COP1: variants seen among roughly 807,000 people sequenced by gnomAD.
The protein encoded by COP1 is COP1 E3 ubiquitin ligase.
In COP1, 24 loss-of-function variants were observed where a neutral mutation model predicts 101.3. The observed-to-expected ratio is 0.24, with a 90% confidence interval of 0.17 to 0.33. The LOEUF is 0.33. Among genes scored for constraint, COP1 ranks in the 10% least tolerant of loss-of-function variants. The pLI is 1.00. For missense variants in COP1, 663 were observed against 906.2 expected (o/e 0.73, Z 3.45); for synonymous variants, 347 against 341.9 (o/e 1.01, Z -0.17).
intron 1 of COP1, among the ~76,000 whole-genome samples, chr1:176,202,151 T>C (rs538673459): frequency 9.2e-5 from 14 of 152,106 alleles, no homozygotes; most frequent in African/African-American, 3.4e-4. Flanking sequence ...TTACTGTCTT[T>C]ATTACGACAG....
chr1:175,986,266 G>A (rs776089332), intron 18 of COP1, among the ~76,000 whole-genome samples: 40 of 152,006 alleles, frequency 2.6e-4, no homozygotes, highest in Non-Finnish European at 4.7e-4. Context: ...TGATTTGCCC[G>A]CCTCGGCCTC....
At chr1:175,947,810 T>C (rs549820852) in intron 18 of COP1, among the ~76,000 whole-genome samples, 10 of 152,264 alleles carry the variant, frequency 6.6e-5, no homozygotes, top group East Asian at 5.8e-4. Flanking sequence ...GGGAAAAAGA[T>C]TGTCAATGGA....
At chr1:176,184,266 T>C (rs1292842270) in intron 2 of COP1, among the ~76,000 whole-genome samples, 4 of 152,120 alleles carry the variant, frequency 2.6e-5, no homozygotes, top group Non-Finnish European at 4.4e-5. Context: ...TCCATGACCT[T>C]CTTAGCCTGC....
intron 18 of COP1, among the ~76,000 whole-genome samples, chr1:175,956,558 GAAC>G (rs1251888344): frequency 6.6e-6 from 1 of 151,824 alleles, no homozygotes; most frequent in Non-Finnish European, 1.5e-5. Flanking sequence ...ACACTTACTA[GAAC>G]AACTAAATCT....
At chr1:176,085,521 CA>C (rs1408455909) in intron 10 of COP1, among the ~76,000 whole-genome samples, 1 of 152,096 alleles carries the variant, frequency 6.6e-6, no homozygotes, top group Non-Finnish European at 1.5e-5. Context: ...GCTACATATT[CA>C]TAGCTGAATT....
chr1:176,023,742 A>G (rs1267879079), intron 15 of COP1, among the ~76,000 whole-genome samples: 1 of 151,440 alleles, frequency 6.6e-6, no homozygotes, highest in Non-Finnish European at 1.5e-5. Context: ...AAAAAAAAGA[A>G]AAGAAAAGAA....
At chr1:175,994,183 C>T (rs1557869362) in intron 15 of COP1, among the ~76,000 whole-genome samples, 2 of 152,128 alleles carry the variant, frequency 1.3e-5, no homozygotes, top group Non-Finnish European at 2.9e-5. Context: ...ACTTTACAGA[C>T]AAACAAATGC....
In COP1 at chr1:175,968,449, A is replaced by G. The variant is rs1285549011; in HGVS notation, c.2133+18494T>C. ...TAGCCAGCTGTCCTAAGCCAGACAG[A>G]GACCTCCATATATTTATGTAGGATC... On this transcript the variant is annotated intron_variant, in intron 18 of 19. Transcript: ENST00000367669. 3 of 519,072 alleles carry G rather than the reference A, an allele frequency of 5.8e-6. No homozygotes were observed. The Admixed American group carries it at 5.8e-5, about 10-fold the overall frequency. 32.2% of individuals were successfully genotyped at this position (519,072 alleles called of 1,614,324 possible). A position where few individuals can be genotyped will look rare whatever the true frequency, so the allele number is the denominator to read the frequency against.
intron 18 of COP1, among the ~76,000 whole-genome samples, chr1:175,965,163 C>T (rs1203750026): frequency 6.6e-6 from 1 of 152,028 alleles, no homozygotes; most frequent in Non-Finnish European, 1.5e-5. Flanking sequence ...ACTAAAATAG[C>T]TTCTCTCCTC....
At chr1:175,991,592 T>G (rs1300359542) in intron 15 of COP1, among the ~76,000 whole-genome samples, 1 of 152,230 alleles carries the variant, frequency 6.6e-6, no homozygotes, top group African/African-American at 2.4e-5. Context: ...TCTGACTTTA[T>G]AAACTTAAAA....
At chr1:176,135,299 A>G (rs1056946277) in intron 7 of COP1, among the ~76,000 whole-genome samples, 2 of 152,066 alleles carry the variant, frequency 1.3e-5, no homozygotes, top group Non-Finnish European at 2.9e-5. Context: ...ACACAATCTT[A>G]AAGAACTATA....
intron 18 of COP1, among the ~76,000 whole-genome samples, chr1:175,955,702 G>GAATTTAGAATT (rs1650536715): frequency 7.0e-6 from 1 of 142,676 alleles, no homozygotes; most frequent in Non-Finnish European, 1.5e-5. Context: ...TAAATGATAA[G>GAATTTAGAATT]CAAATAGAAT....
At chr1:176,002,119 T>G (rs1408143221) in intron 15 of COP1, among the ~76,000 whole-genome samples, 3 of 152,104 alleles carry the variant, frequency 2.0e-5, no homozygotes, top group African/African-American at 4.8e-5. Context: ...ATGTGTGGAT[T>G]GATGTTTTCC....
chr1:176,082,015 T>G (rs1679240512), intron 10 of COP1, among the ~76,000 whole-genome samples: 1 of 152,200 alleles, frequency 6.6e-6, no homozygotes, highest in South Asian at 2.1e-4. Flanking sequence ...TATTGGAAGA[T>G]AAATCATGTG....
rs1430568177 is a variant in COP1, at chr1:176,134,322, T to C, written c.968+688A>G. Among the ~76,000 whole-genome samples the C allele has an allele frequency of 1.3e-5, 2 of 151,998 alleles. 1 individual carries two copies. The highest frequency in any genetic ancestry group is 4.1e-4 in the South Asian group (2 of 4,826). ...TGTAAAACTGTTCTTAGTTTGAACA[T>C]TTCAAGCATAAAAATTCAAAACTCA... On this transcript the variant is annotated intron_variant, in intron 8 of 19. Transcript: ENST00000367669.
rs919867169 is a variant in COP1, at chr1:176,095,732, T to C, written c.1027-9842A>G. Among the ~76,000 whole-genome samples, 37 of 152,134 alleles carry C rather than the reference T, an allele frequency of 2.4e-4. 1 individual carries two copies. The highest frequency in any genetic ancestry group is 6.2e-4 in the South Asian group (3 of 4,822). On this transcript the variant is annotated intron_variant, in intron 9 of 19. Coordinates refer to ENST00000367669, the MANE Select transcript of COP1 (RefSeq NM_022457.7). ...TTGCAATTTTCCTTGTGCTTATGTT[T>C]GTACTTGTGATACAAAAGCAAAGAT...
chr1:175,995,561 G>A (rs1356466325), intron 15 of COP1, among the ~76,000 whole-genome samples: 2 of 151,950 alleles, frequency 1.3e-5, no homozygotes, highest in Non-Finnish European at 2.9e-5. Flanking sequence ...ATGATAAACG[G>A]GATATCACCA....
At chr1:176,159,179 A>C (rs1462468447) in intron 5 of COP1, among the ~76,000 whole-genome samples, 1 of 152,196 alleles carries the variant, frequency 6.6e-6, no homozygotes, top group Non-Finnish European at 1.5e-5. Flanking sequence ...TAATATACAA[A>C]ATACAAGCAC....
At chr1:176,072,398 G>A (rs955824561) in intron 11 of COP1, among the ~76,000 whole-genome samples, 3 of 152,190 alleles carry the variant, frequency 2.0e-5, no homozygotes, top group Admixed American at 2.0e-4. Context: ...CTGCCTAGAT[G>A]AATCTCTCAG....
Sources: gnomAD v4.1 joint callset for allele counts (sites outside exome capture counted in the v4.1 genomes callset) on GRCh38, gnomAD v4.1.1 for gene constraint, MANE v1.5 for transcripts, NCBI Gene and HGNC (gene_info 2026-07-23, HGNC 2026-07-21) for gene names.